Variants in WWOX observed in about 807,000 individuals in gnomAD.
WWOX encodes WW domain-containing oxidoreductase.
WWOX carries 69 observed loss-of-function variants against 46.2 expected under a neutral mutation model. The ratio of observed to expected loss-of-function variants is 1.49; its 90% CI spans 1.23 to 1.82. WWOX has a LOEUF of 1.82. Ranked by LOEUF, WWOX falls within the 40% of genes most tolerant of loss-of-function variation. The probability of loss-of-function intolerance (pLI) is 0.00; values close to 1 mark genes in which losing one functional copy is unlikely to be tolerated. For missense variants in WWOX, 919 were observed against 542.6 expected, an observed-to-expected ratio of 1.69 and a Z score of -6.89; for synonymous variants, 359 against 202.6, an observed-to-expected ratio of 1.77 and a Z score of -6.56.
intron 8 of WWOX, among the ~76,000 whole-genome samples, chr16:78,632,536 C>A (rs1396440010): frequency 2.9e-5 from 4 of 138,510 alleles, no homozygotes; most frequent in Admixed American, 1.4e-4. Context: ...CAGACACTCT[C>A]TTCCCCCACT....
chr16:78,691,150 A>C (rs1278530789), intron 8 of WWOX: 1 of 673,486 alleles, frequency 1.5e-6, no homozygotes, highest in African/African-American at 1.8e-5. Flanking sequence ...AAGCAAAAGC[A>C]CAGTATTTCC....
At chr16:78,653,580 C>G (rs946782069) in intron 8 of WWOX, among the ~76,000 whole-genome samples, 5 of 152,368 alleles carry the variant, frequency 3.3e-5, no homozygotes, top group Middle Eastern at 3.4e-3. Context: ...CCTCTGGACA[C>G]TGGCGCAGCC....
chr16:79,054,432 G>A (rs1435399771), intron 8 of WWOX, among the ~76,000 whole-genome samples: 1 of 152,196 alleles, frequency 6.6e-6, no homozygotes, highest in Non-Finnish European at 1.5e-5. Flanking sequence ...TCCATTTCAA[G>A]ATGACAACAG....
chr16:78,883,026 T>C (rs1298039808), intron 8 of WWOX, among the ~76,000 whole-genome samples: 3 of 152,134 alleles, frequency 2.0e-5, no homozygotes, highest in African/African-American at 7.2e-5. Flanking sequence ...TGCAACTAAA[T>C]TGAAGGCTTG....
chr16:78,132,541 T>A (rs1238706068), intron 4 of WWOX, among the ~76,000 whole-genome samples: 4 of 152,194 alleles, frequency 2.6e-5, no homozygotes, highest in African/African-American at 9.7e-5. Context: ...ATGTGATGAT[T>A]TTTTAAAAGG....
intron 8 of WWOX, among the ~76,000 whole-genome samples, chr16:78,803,541 G>A (rs1330373832): frequency 6.6e-6 from 1 of 152,046 alleles, no homozygotes; most frequent in African/African-American, 2.4e-5. Context: ...TGACCTTGTG[G>A]GCTCAAGCAG....
At position 78,702,100 on chromosome 16, in the gene WWOX, T is replaced by TTATATATATATA. The variant is rs72067397; in HGVS notation, c.1056+269360_1056+269371dup. Among the ~76,000 whole-genome samples, 647 of 81,206 alleles carry TTATATATATATA rather than the reference T, an allele frequency of 8.0e-3. 15 individuals carry two copies. The highest frequency in any genetic ancestry group is 0.042 in the African/African-American group (608 of 14,596). 53.3% of individuals were successfully genotyped at this position (81,206 alleles called of 152,430 possible). On this transcript the variant is annotated intron_variant, in intron 8 of 8. Transcript: ENST00000566780. ...AAGTTTTATATTTATATCTATAAAG[T>TTATATATATATA]TATATATATATATATATATATATTT... is the stretch of plus-strand genomic sequence containing the variant.
chr16:78,893,772 C>G (rs1278790159), intron 8 of WWOX, among the ~76,000 whole-genome samples: 1 of 152,122 alleles, frequency 6.6e-6, no homozygotes, highest in Admixed American at 6.5e-5. Context: ...CTTTCTCTGT[C>G]TTTCCCTGCC....
intron 8 of WWOX, among the ~76,000 whole-genome samples, chr16:79,150,881 T>G (rs1285993191): frequency 6.6e-6 from 1 of 152,120 alleles, no homozygotes; most frequent in Non-Finnish European, 1.5e-5. Flanking sequence ...ATAAAATACA[T>G]CCGCAGTCCA....
intron 8 of WWOX, among the ~76,000 whole-genome samples, chr16:78,920,854 T>C (rs1275395010): frequency 6.6e-6 from 1 of 152,222 alleles, no homozygotes; most frequent in African/African-American, 2.4e-5. Context: ...AGGGACTTGT[T>C]CAAAACTCTG....
chr16:79,170,214 C>T (rs1481722992), intron 8 of WWOX, among the ~76,000 whole-genome samples: 1 of 152,186 alleles, frequency 6.6e-6, no homozygotes, highest in Non-Finnish European at 1.5e-5. Flanking sequence ...GTTCCTTTTG[C>T]ACATTTCTCC....
chr16:79,095,374 A>G (rs1460549470), intron 8 of WWOX, among the ~76,000 whole-genome samples: 5 of 152,142 alleles, frequency 3.3e-5, no homozygotes, highest in African/African-American at 1.2e-4. Flanking sequence ...CCTTGGCAGA[A>G]TTATTCTTAT....
chr16:78,873,778 C>T (rs927715942), intron 8 of WWOX, among the ~76,000 whole-genome samples: 7 of 152,032 alleles, frequency 4.6e-5, no homozygotes. Context: ...AACAGAGAGA[C>T]CCTGCCTCAA....
intron 4 of WWOX, among the ~76,000 whole-genome samples, chr16:78,162,114 G>A: frequency 6.6e-6 from 1 of 152,036 alleles, no homozygotes; most frequent in Admixed American, 6.6e-5. Flanking sequence ...CTCTAGTGTG[G>A]GTCTATACGT....
At chr16:78,653,145 CATAGAT>C (rs970027214) in intron 8 of WWOX, among the ~76,000 whole-genome samples, 19 of 151,670 alleles carry the variant, frequency 1.3e-4, no homozygotes, top group Middle Eastern at 3.4e-3. Flanking sequence ...TATATAGGCA[CATAGAT>C]ATATAATTAA....
At chr16:78,747,285 G>A (rs1446992202) in intron 8 of WWOX, among the ~76,000 whole-genome samples, 1 of 150,086 alleles carries the variant, frequency 6.7e-6, no homozygotes, top group Non-Finnish European at 1.5e-5. Context: ...TCTGCCTCCC[G>A]GGTTCAAGCA....
At chr16:78,997,802 G>C (rs2151357840) in intron 8 of WWOX, among the ~76,000 whole-genome samples, 1 of 152,272 alleles carries the variant, frequency 6.6e-6, no homozygotes, top group Non-Finnish European at 1.5e-5. Flanking sequence ...GACCGGAATA[G>C]ATTTTCTCTG....
At chr16:78,226,814 C>A (rs999153589) in intron 5 of WWOX, among the ~76,000 whole-genome samples, 2 of 152,170 alleles carry the variant, frequency 1.3e-5, no homozygotes, top group African/African-American at 4.8e-5. Flanking sequence ...TTCCCCCAGC[C>A]TTCCCTACCT....
At chr16:79,162,234 C>G (rs1195573805) in intron 8 of WWOX, among the ~76,000 whole-genome samples, 1 of 152,168 alleles carries the variant, frequency 6.6e-6, no homozygotes, top group Admixed American at 6.5e-5. Context: ...ATTCGTTCAG[C>G]CATTCTTTCA....
Sources: gnomAD v4.1 joint callset for allele counts (sites outside exome capture counted in the v4.1 genomes callset) on GRCh38, gnomAD v4.1.1 for gene constraint, MANE v1.5 for transcripts, NCBI Gene and HGNC (gene_info 2026-07-23, HGNC 2026-07-21) for gene names.